The following CSNK1G3 variants were observed in gnomAD, a reference collection of about 807,000 sequenced individuals.
CSNK1G3 encodes the protein casein kinase I isoform gamma-3.
CSNK1G3 carries 23 observed loss-of-function variants against 64.3 expected under a neutral mutation model. The observed-to-expected ratio is 0.36, with a 90% confidence interval of 0.26 to 0.51. The LOEUF (loss-of-function observed/expected upper bound fraction) is 0.51. Ranked by LOEUF, CSNK1G3 falls within the 20% of genes least tolerant of loss-of-function variation. The probability of loss-of-function intolerance (pLI) is 0.96; values close to 1 mark genes in which losing one functional copy is unlikely to be tolerated. For synonymous variants in CSNK1G3, 158 were observed against 162.2 expected (o/e 0.97, Z 0.20); for missense variants, 357 against 510.5 (o/e 0.70, Z 2.90).
chr5:123,528,956 A>G (rs555200514), intron 1 of CSNK1G3, among the ~76,000 whole-genome samples: 148 of 152,314 alleles, frequency 9.7e-4, no homozygotes, highest in Middle Eastern at 3.4e-3. Flanking sequence ...ACGTTGAATA[A>G]AGTGATTCTC....
chr5:123,594,792 A>G (rs1161703705), intron 10 of CSNK1G3, among the ~76,000 whole-genome samples: 1 of 152,100 alleles, frequency 6.6e-6, no homozygotes, highest in Admixed American at 6.6e-5. Flanking sequence ...TGTGATTTCT[A>G]AAGTATTTTT....
chr5:123,535,428 C>T (rs1260534413), intron 1 of CSNK1G3, among the ~76,000 whole-genome samples: 4 of 151,936 alleles, frequency 2.6e-5, no homozygotes, highest in Non-Finnish European at 5.9e-5. Context: ...TTCATGACTC[C>T]TGGTATAGAG....
chr5:123,542,848 TAG>T (rs1781890495), intron 1 of CSNK1G3, among the ~76,000 whole-genome samples: 1 of 91,906 alleles, frequency 1.1e-5, no homozygotes, highest in Admixed American at 1.0e-4. Flanking sequence ...TGCCTAGATT[TAG>T]TGTGTGTGTG....
intron 1 of CSNK1G3, among the ~76,000 whole-genome samples, chr5:123,534,465 A>T (rs1335985828): frequency 6.6e-6 from 1 of 152,118 alleles, no homozygotes; most frequent in Admixed American, 6.6e-5. Context: ...GCTACCTTAT[A>T]TAATACTCAG....
At chr5:123,573,021 A>G (rs1258416834) in intron 4 of CSNK1G3, among the ~76,000 whole-genome samples, 1 of 152,360 alleles carries the variant, frequency 6.6e-6, no homozygotes, top group East Asian at 1.9e-4. Context: ...TATTAAAGCC[A>G]GTAGTGACTC....
At chr5:123,582,312 G>A (rs999321549) in intron 6 of CSNK1G3, among the ~76,000 whole-genome samples, 1 of 152,036 alleles carries the variant, frequency 6.6e-6, no homozygotes, top group African/African-American at 2.4e-5. Context: ...TGAAAAAAAT[G>A]CAGACAAGTG....
At chr5:123,567,011 G>T (rs368406078) in intron 4 of CSNK1G3, among the ~76,000 whole-genome samples, 86 of 152,308 alleles carry the variant, frequency 5.6e-4, no homozygotes, top group African/African-American at 2.0e-3. Flanking sequence ...AAAGAAAGAG[G>T]TTTATTAGAC....
intron 3 of CSNK1G3, among the ~76,000 whole-genome samples, chr5:123,554,779 A>G (rs1348953727): frequency 1.3e-5 from 2 of 152,216 alleles, no homozygotes; most frequent in African/African-American, 4.8e-5. Context: ...TATTGATACA[A>G]CAGCCTGTAG....
At chr5:123,544,013 A>C (rs1414336563) in intron 1 of CSNK1G3, among the ~76,000 whole-genome samples, 1 of 152,188 alleles carries the variant, frequency 6.6e-6, no homozygotes, top group Non-Finnish European at 1.5e-5. Context: ...GCCTTTCTTC[A>C]CAGTCCAGGA....
At chr5:123,513,145 C>T (rs567814244) in intron 1 of CSNK1G3, among the ~76,000 whole-genome samples, 20 of 152,218 alleles carry the variant, frequency 1.3e-4, no homozygotes, top group African/African-American at 4.6e-4. Context: ...AGCTTTGACT[C>T]AGCTCAAAAC....
At chr5:123,531,081 C>G (rs1030129401) in intron 1 of CSNK1G3, among the ~76,000 whole-genome samples, 18 of 152,026 alleles carry the variant, frequency 1.2e-4, no homozygotes. Context: ...CTGAATGAGT[C>G]GTTTCATATA....
At chr5:123,599,434 G>T (rs1794049377) in intron 10 of CSNK1G3, among the ~76,000 whole-genome samples, 1 of 152,164 alleles carries the variant, frequency 6.6e-6, no homozygotes, top group African/African-American at 2.4e-5. Context: ...TAAGCAGTCT[G>T]ATCTTTTAGC....
exon 2 of CSNK1G3, chr5:123,545,435 T>C (rs1782366719): frequency 2.5e-6 from 1 of 403,794 alleles, no homozygotes; most frequent in Non-Finnish European, 4.5e-6. Context: ...CAATATCAGC[T>C]CACATCATTG....
chr5:123,532,607 T>A, intron 1 of CSNK1G3, among the ~76,000 whole-genome samples: 1 of 151,868 alleles, frequency 6.6e-6, no homozygotes, highest in African/African-American at 2.4e-5. Flanking sequence ...TGTTAAGAAC[T>A]CCACAGCTGT....
At chr5:123,605,458 C>A (rs983542117) in intron 12 of CSNK1G3, 96 bp downstream of exon 13, 1 of 1,260,944 alleles carries the variant, frequency 7.9e-7, no homozygotes, top group Non-Finnish European at 1.1e-6. Context: ...AAACTCTCAA[C>A]ACAGTGATTA....
intron 4 of CSNK1G3, among the ~76,000 whole-genome samples, chr5:123,572,502 G>T (rs192444200): frequency 6.6e-6 from 1 of 152,154 alleles, no homozygotes; most frequent in Non-Finnish European, 1.5e-5. Context: ...AGGAATACGG[G>T]CATGGCTTTG....
chr5:123,516,844 A>G (rs1194072864), intron 1 of CSNK1G3, among the ~76,000 whole-genome samples: 2 of 152,116 alleles, frequency 1.3e-5, no homozygotes, highest in Non-Finnish European at 2.9e-5. Context: ...TAGGTTAGTA[A>G]TGTGAGGTTG....
At chr5:123,594,928 G>T (rs1793139884) in intron 10 of CSNK1G3, 111 bp from the exon 11 acceptor site, 1 of 771,286 alleles carries the variant, frequency 1.3e-6, no homozygotes, top group East Asian at 2.8e-5. Context: ...AATAGTAAGG[G>T]TATTTTAAAT....
intron 4 of CSNK1G3, among the ~76,000 whole-genome samples, chr5:123,557,842 A>G (rs1439363118): frequency 1.3e-5 from 2 of 152,212 alleles, no homozygotes; most frequent in East Asian, 1.9e-4. Flanking sequence ...TTTTGGAGGC[A>G]CTATTATAGC....
Sources: allele counts gnomAD v4.1 joint callset (sites outside exome capture counted in the v4.1 genomes callset), GRCh38; gene constraint gnomAD v4.1.1; transcripts MANE v1.5; gene names NCBI Gene and HGNC (gene_info 2026-07-23, HGNC 2026-07-21).